Variants in CYP2R1 observed in about 807,000 individuals in gnomAD.
The protein encoded by CYP2R1 is cytochrome P450 family 2 subfamily R member 1, also known as vitamin D 25-hydroxylase.
CYP2R1 carries 40 observed loss-of-function variants against 45.7 expected under a neutral mutation model. The observed-to-expected ratio is 0.87, with a 90% CI of 0.68 to 1.14. The LOEUF is 1.14. Among genes scored for constraint, CYP2R1 ranks in the 50% most tolerant of loss-of-function variants. The probability of loss-of-function intolerance (pLI) is 0.00; values close to 1 mark genes in which losing one functional copy is unlikely to be tolerated. For missense variants in CYP2R1, 605 were observed against 602.6 expected, an observed-to-expected ratio of 1.00 and a Z score of -0.04; for synonymous variants, 234 against 219.3, an observed-to-expected ratio of 1.07 and a Z score of -0.59.
At chr11:14,884,671 T>TA (rs1447384109) in intron 2 of CYP2R1, among the ~76,000 whole-genome samples, 1 of 151,666 alleles carries the variant, frequency 6.6e-6, no homozygotes, top group African/African-American at 2.4e-5. Context: ...CCCTAAAACT[T>TA]AAAGTATAAT....
rs1555011487 is a variant in CYP2R1, at chr11:14,880,189, G to C, written c.947C>G (p.Thr316Ser). 2 of 1,612,960 alleles carry C rather than the reference G, an allele frequency of 1.2e-6. No individual in the cohort carries two copies. The highest frequency in any genetic ancestry group is 4.5e-5 in the East Asian group (2 of 44,856). ...AAGAATCGCCCACCGTAGCACATTG[G>C]TTGTAGTTTCAGTTCCAGCAATGAT... ...ELIIAGTETT[T>S]NVLRWAILFM... is the part of the protein sequence containing the mutation. The change falls in exon 3 of 5, where the codon ACC (threonine) becomes AGC (serine). Residue 316 changes from threonine (T) to serine (S), a missense_variant. Coordinates refer to ENST00000334636, the MANE Select transcript of CYP2R1 (RefSeq NM_024514.5).
rs782328761 is a variant in CYP2R1 at position 14,880,591 on chromosome 11, A to C, written c.545T>G (p.Leu182Ter). Reference sequence around the variant, plus strand: ...TATGTTTGAAACAGCATTCGTTATTAACTGTTTAAAGTCAAAAGGTCTACC... The same window carrying C: ...TATGTTTGAAACAGCATTCGTTATTCACTGTTTAAAGTCAAAAGGTCTACC... ...YKGRPFDFKQ[L>*]ITNAVSNITN... Residue 182 changes from leucine (L) to a stop codon, truncating the protein, a stop_gained, in exon 3 of 5, where the codon TTA becomes TGA. Transcript: ENST00000334636. LOFTEE classifies it high-confidence loss of function. 6.2e-7 allele frequency: 1 copy of C among 1,613,148 alleles called. No individual in the cohort carries two copies. The highest frequency in any genetic ancestry group is 2.2e-5 in the East Asian group (1 of 44,860).
chr11:14,882,117 C>A (rs1402450459), intron 2 of CYP2R1, among the ~76,000 whole-genome samples: 1 of 152,062 alleles, frequency 6.6e-6, no homozygotes, highest in African/African-American at 2.4e-5. Context: ...GATGACTATT[C>A]ATTCAACAAA....
upstream of CYP2R1, chr11:14,892,315 G>A: frequency 1.9e-6 from 2 of 1,070,314 alleles, no homozygotes; most frequent in Non-Finnish European, 2.7e-6. Flanking sequence ...CCCTAGCTCC[G>A]TGGCCATTGG....
At chr11:14,891,585 A>G (rs10766196) in intron 1 of CYP2R1, 420,141 of 1,032,324 alleles carry the variant, frequency 0.41, 88,335 homozygotes, top group Admixed American at 0.46. Context: ...AGCCGCGTGC[A>G]GCTTCCACAG....
At chr11:14,878,637 A>C (rs1199846929) in intron 4 of CYP2R1, among the ~76,000 whole-genome samples, 1 of 152,128 alleles carries the variant, frequency 6.6e-6, no homozygotes, top group Non-Finnish European at 1.5e-5. Context: ...CATTTCAACT[A>C]AGTGTGTATT....
rs1555010167 is a variant in CYP2R1, at chr11:14,878,052, G to C, written c.*70C>G. On this transcript the variant is annotated 3_prime_UTR_variant, in exon 5 of 5. Coordinates refer to ENST00000334636, the MANE Select transcript of CYP2R1 (RefSeq NM_024514.5). ...TGACTTTTATTCTAATACACACATT[G>C]ATTTGATTAAACCAAGTTCAGGGAT... 1 of 1,523,828 alleles carries C rather than the reference G, an allele frequency of 6.6e-7. No individual in the cohort carries two copies. The highest frequency in any genetic ancestry group is 2.3e-5 in the East Asian group (1 of 44,422). The allele number at this position is 1,523,828 out of a possible 1,614,324, so 94.4% of individuals were successfully genotyped here. A position where few individuals can be genotyped will look rare whatever the true frequency, so the allele number is the denominator to read the frequency against.
At chr11:14,882,365 A>C (rs1430826945) in intron 2 of CYP2R1, among the ~76,000 whole-genome samples, 1 of 152,154 alleles carries the variant, frequency 6.6e-6, no homozygotes, top group Non-Finnish European at 1.5e-5. Context: ...GGAGATGAGG[A>C]AGTGAGACAA....
intron 2 of CYP2R1, among the ~76,000 whole-genome samples, chr11:14,882,345 A>G (rs1555012600): frequency 6.6e-6 from 1 of 152,140 alleles, no homozygotes; most frequent in East Asian, 1.9e-4. Flanking sequence ...CATCTGAGTA[A>G]ACATTCATAG....
chr11:14,878,447 G>A, intron 4 of CYP2R1, 150 bp from the exon 5 acceptor site: 8 of 823,808 alleles, frequency 9.7e-6, no homozygotes, highest in Non-Finnish European at 1.5e-5. Flanking sequence ...AAATCTCAAA[G>A]AATAGAAATT....
At chr11:14,887,936 A>C (rs781847595) in intron 1 of CYP2R1, among the ~76,000 whole-genome samples, 1 of 152,106 alleles carries the variant, frequency 6.6e-6, no homozygotes, top group Non-Finnish European at 1.5e-5. Context: ...TGGCCTCCCT[A>C]ATTTCATCCT....
At position 14,880,314 on chromosome 11, in the gene CYP2R1, C is replaced by T; in HGVS notation, c.822G>A (p.Gln274=). ...ASVNRKPQLP[Q]HFVDAYLDEM... Reference sequence around the variant, plus strand: ...CATCTAAATAAGCATCAACAAAATGCTGAGGTAGCTGAGGCTTTCTGTTGA... The same window carrying T: ...CATCTAAATAAGCATCAACAAAATGTTGAGGTAGCTGAGGCTTTCTGTTGA... The change falls in exon 3 of 5, where the codon CAG becomes CAA. Residue 274 remains glutamine (Q), a synonymous_variant. Coordinates refer to ENST00000334636, the MANE Select transcript of CYP2R1 (RefSeq NM_024514.5). The T allele has an allele frequency of 1.2e-6, 2 of 1,613,178 alleles. No homozygotes were observed. The highest frequency in any genetic ancestry group is 1.7e-6 in the Non-Finnish European group (2 of 1,179,522).
chr11:14,880,097 TG>T, intron 3 of CYP2R1, 38 bp downstream of exon 3: 1 of 1,608,598 alleles, frequency 6.2e-7, no homozygotes, highest in Non-Finnish European at 8.5e-7. Flanking sequence ...GAACCCTACA[TG>T]TAAGGATAGA....
Position 14,879,115 on chromosome 11 carries a change from T to A in CYP2R1, c.1329A>T (p.Leu443=). Residue 443 remains leucine (L), a splice_region_variant and synonymous_variant, in exon 4 of 5, where the codon CTA becomes CTT. Coordinates refer to ENST00000334636, the MANE Select transcript of CYP2R1 (RefSeq NM_024514.5). ...TACGCCCCGTGAAAGTTCTCTTACC[T>A]AGGGAAAAAGGAACCAAAGCTTCCT... is the stretch of plus-strand genomic sequence containing the variant. ...AKKEALVPFS[L]GRRHCLGEHL... 6.2e-7 allele frequency: 1 copy of A among 1,612,628 alleles called. No homozygotes were observed.
intron 3 of CYP2R1, 104 bp downstream of exon 3, chr11:14,880,032 G>A (rs529664916): frequency 5.0e-5 from 56 of 1,127,036 alleles, no homozygotes; most frequent in South Asian, 4.7e-4. Context: ...GGCTGGCATC[G>A]CAGGAGTTCC....
At chr11:14,891,456 G>T in intron 1 of CYP2R1, 1 of 986,170 alleles carries the variant, frequency 1.0e-6, no homozygotes, top group Non-Finnish European at 1.2e-6. Flanking sequence ...TCAGTCAGGG[G>T]CGTTCCCCTG....
Position 14,879,302 on chromosome 11 carries a change from T to C in CYP2R1, c.1142A>G (p.His381Arg), listed in dbSNP as rs782329074. The change falls in exon 4 of 5, where the codon CAT becomes CGT. Residue 381 changes from histidine (H) to arginine (R), a missense_variant. By Grantham distance (29) the His-to-Arg change is conservative (BLOSUM62 0). Coordinates refer to ENST00000334636, the MANE Select transcript of CYP2R1 (RefSeq NM_024514.5). The part of the protein sequence containing the change: ...FCNIVPLGIF[H>R]ATSEDAVVRG... Reference sequence around the variant, plus strand: ...TACAACTGCATCTTCAGAGGTTGCATGGAAAATCCCTAATGGAACTATATT... The same window carrying C: ...TACAACTGCATCTTCAGAGGTTGCACGGAAAATCCCTAATGGAACTATATT... 2.4e-5 allele frequency: 39 copies of C among 1,613,206 alleles called. No individual in the cohort carries two copies. The Middle Eastern group carries it at 6.6e-4, about 27-fold the overall frequency.
At position 14,880,201 on chromosome 11, in the gene CYP2R1, G is replaced by T. The variant is rs1555011497; in HGVS notation, c.935C>A (p.Thr312Asn). 4.3e-6 allele frequency: 7 copies of T among 1,613,002 alleles called. No individual in the cohort carries two copies. The East Asian group carries it at 1.6e-4, about 36-fold the overall frequency. ...CCGTAGCACATTGGTTGTAGTTTCA[G>T]TTCCAGCAATGATGAGTTCACCCAC... ...FSVGELIIAGTETTTNVLRWA... is the reference protein window; with the variant it reads ...FSVGELIIAGNETTTNVLRWA... Residue 312 changes from threonine (T) to asparagine (N), a missense_variant, in exon 3 of 5, where the codon ACT becomes AAT. Coordinates refer to ENST00000334636, the MANE Select transcript of CYP2R1 (RefSeq NM_024514.5).
rs557499003 is a variant in CYP2R1, at chr11:14,891,396, T to C, written c.225+585A>G. The C allele has an allele frequency of 2.5e-5, 25 of 985,734 alleles. No individual in the cohort carries two copies. The East Asian group carries it at 2.3e-3, about 89-fold the overall frequency. The allele number at this position is 985,734 out of a possible 1,614,324, so 61.1% of individuals were successfully genotyped here. ...GCTGTAGGACCCCCGCAGCGGATTT[T>C]AGTCATCAATTCATTCACGCGTTCA... On this transcript the variant is annotated intron_variant, in intron 1 of 4. Transcript: ENST00000334636.
Sources: allele counts gnomAD v4.1 joint callset (sites outside exome capture counted in the v4.1 genomes callset), GRCh38; gene constraint gnomAD v4.1.1; transcripts MANE v1.5; gene names NCBI Gene and HGNC (gene_info 2026-07-23, HGNC 2026-07-21).